GAB1: variants seen among roughly 807,000 people sequenced by gnomAD.
GAB1 encodes GRB2-associated-binding protein 1.
Under a neutral mutation model 66.5 loss-of-function variants are expected in GAB1, and 19 were observed. The ratio of observed to expected loss-of-function variants is 0.29; its 90% confidence interval spans 0.20 to 0.42. The LOEUF is 0.42. Ranked by LOEUF, GAB1 falls within the 10% of genes least tolerant of loss-of-function variation. The pLI is 1.00. For synonymous variants in GAB1, 294 were observed against 301.4 expected, an observed-to-expected ratio of 0.98 and a Z score of 0.25; for missense variants, 732 against 858.5, an observed-to-expected ratio of 0.85 and a Z score of 1.84.
chr4:143,461,500 G>C (rs1735491252), intron 8 of GAB1, among the ~76,000 whole-genome samples: 1 of 152,164 alleles, frequency 6.6e-6, no homozygotes, highest in Non-Finnish European at 1.5e-5. Flanking sequence ...GGAGGAAAGA[G>C]AGAAAAAGAA....
Position 143,345,333 on chromosome 4 carries a change from G to GTAGT in GAB1, c.72+8075_72+8078dup, listed in dbSNP as rs553403108. Among the ~76,000 whole-genome samples the GTAGT allele has an allele frequency of 9.2e-5, 14 of 152,118 alleles. No individual in the cohort carries two copies. In the South Asian group the frequency reaches 2.7e-3, roughly 29 times the overall value. ...TACTTTGAATTCATACTTGGCCTAG[G>GTAGT]TAGTTCTCTTAAGTTATGTGTTCAA... On this transcript the variant is annotated intron_variant, in intron 1 of 9. Transcript: ENST00000262994.
intron 1 of GAB1, among the ~76,000 whole-genome samples, chr4:143,379,433 C>G (rs1241814794): frequency 6.6e-6 from 1 of 152,126 alleles, no homozygotes; most frequent in Non-Finnish European, 1.5e-5. Flanking sequence ...TTGCGATGCT[C>G]TGTTCTCCAG....
chr4:143,383,122 C>T (rs950617688), intron 1 of GAB1, among the ~76,000 whole-genome samples: 2 of 152,158 alleles, frequency 1.3e-5, no homozygotes, highest in Non-Finnish European at 2.9e-5. Context: ...TACACACACA[C>T]TCCTCTCCAT....
At chr4:143,425,193 AT>A in intron 2 of GAB1, 1 of 852,186 alleles carries the variant, frequency 1.2e-6, no homozygotes, top group Non-Finnish European at 2.0e-6. Context: ...CATCTACATT[AT>A]AAATCTGAAG....
chr4:143,338,550 G>A (rs745413161), intron 1 of GAB1, among the ~76,000 whole-genome samples: 6 of 152,136 alleles, frequency 3.9e-5, no homozygotes, highest in African/African-American at 9.7e-5. Context: ...TGAAAGACTC[G>A]ATGCCACAAA....
intron 1 of GAB1, among the ~76,000 whole-genome samples, chr4:143,343,695 A>G (rs973939311): frequency 3.3e-5 from 5 of 152,188 alleles, no homozygotes; most frequent in Admixed American, 3.3e-4. Flanking sequence ...GGGGTACGAG[A>G]TGCCAGGGAA....
intron 8 of GAB1, among the ~76,000 whole-genome samples, chr4:143,465,065 G>C (rs1193056770): frequency 6.6e-6 from 1 of 152,170 alleles, no homozygotes; most frequent in Non-Finnish European, 1.5e-5. Context: ...TCCCTAATGA[G>C]AAATACACAG....
At chr4:143,345,269 G>A (rs926403153) in intron 1 of GAB1, among the ~76,000 whole-genome samples, 1 of 152,084 alleles carries the variant, frequency 6.6e-6, no homozygotes, top group African/African-American at 2.4e-5. Context: ...AATTTACCAA[G>A]TGCTTTTCTG....
chr4:143,340,822 C>T (rs1435013979), intron 1 of GAB1, among the ~76,000 whole-genome samples: 2 of 152,160 alleles, frequency 1.3e-5, no homozygotes, highest in African/African-American at 4.8e-5. Flanking sequence ...TTAGTTTTAG[C>T]TTTAAAGCCA....
chr4:143,464,765 G>T (rs1735691922), intron 8 of GAB1, among the ~76,000 whole-genome samples: 1 of 152,118 alleles, frequency 6.6e-6, no homozygotes, highest in Non-Finnish European at 1.5e-5. Context: ...TTTGCAAAAA[G>T]GTTCCATACC....
intron 1 of GAB1, among the ~76,000 whole-genome samples, chr4:143,388,148 A>G (rs1007008920): frequency 6.6e-6 from 1 of 152,078 alleles, no homozygotes; most frequent in African/African-American, 2.4e-5. Context: ...TAATTATACC[A>G]AGTACTATAT....
intron 1 of GAB1, among the ~76,000 whole-genome samples, chr4:143,364,826 TAGAAG>T (rs1011154623): frequency 5.4e-5 from 8 of 148,590 alleles, no homozygotes; most frequent in Non-Finnish European, 1.0e-4. Context: ...TGAAAAGGAG[TAGAAG>T]CAGGGGAGAC....
chr4:143,432,031 G>A (rs1286428818), intron 2 of GAB1, among the ~76,000 whole-genome samples: 1 of 152,204 alleles, frequency 6.6e-6, no homozygotes, highest in East Asian at 1.9e-4. Context: ...GTTAACTGCT[G>A]ACAGCGTGGA....
chr4:143,444,230 C>T (rs1362440145), intron 6 of GAB1, among the ~76,000 whole-genome samples: 2 of 152,078 alleles, frequency 1.3e-5, no homozygotes, highest in African/African-American at 2.4e-5. Context: ...ATCTAAGGCC[C>T]CCATCTCTGT....
At chr4:143,344,831 G>A (rs1728938434) in intron 1 of GAB1, among the ~76,000 whole-genome samples, 2 of 152,212 alleles carry the variant, frequency 1.3e-5, no homozygotes. Context: ...TAGGAGCGAA[G>A]TTCTCCCTAG....
intron 3 of GAB1, among the ~76,000 whole-genome samples, chr4:143,435,763 T>C (rs1733911015): frequency 6.6e-6 from 1 of 152,198 alleles, no homozygotes. Context: ...CATGCAAGCA[T>C]TAAATATTTA....
In GAB1 at chr4:143,395,879, G is replaced by C. The variant is rs1731425544; in HGVS notation, c.73-19598G>C. 1.1e-5 allele frequency: 5 copies of C among 454,886 alleles called. No individual in the cohort carries two copies. In the Admixed American group the frequency reaches 1.2e-4, roughly 11 times the overall value. 28.2% of individuals were successfully genotyped at this position (454,886 alleles called of 1,614,324 possible). A position where few individuals can be genotyped will look rare whatever the true frequency, so the allele number is the denominator to read the frequency against. Reference sequence around the variant, plus strand: ...GAAGAAGGCACAGCTTGTCGAGATTGATGGACCGCCCCCCGCCCCCGGGAG... The same window carrying C: ...GAAGAAGGCACAGCTTGTCGAGATTCATGGACCGCCCCCCGCCCCCGGGAG... On this transcript the variant is annotated intron_variant, in intron 1 of 9. Coordinates refer to ENST00000262994, the MANE Select transcript of GAB1 (RefSeq NM_002039.4).
intron 1 of GAB1, among the ~76,000 whole-genome samples, chr4:143,408,021 C>T (rs1481877813): frequency 1.3e-5 from 2 of 151,842 alleles, no homozygotes; most frequent in Admixed American, 6.6e-5. Context: ...AAATTTATTC[C>T]TCTATTTTAA....
chr4:143,449,784 A>G (rs1007120509), intron 6 of GAB1, among the ~76,000 whole-genome samples: 5 of 151,510 alleles, frequency 3.3e-5, no homozygotes, highest in African/African-American at 1.2e-4. Flanking sequence ...CATTTAGTCC[A>G]TTTACATTTA....
Sources: gnomAD v4.1 joint callset for allele counts (sites outside exome capture counted in the v4.1 genomes callset) on GRCh38, gnomAD v4.1.1 for gene constraint, MANE v1.5 for transcripts, NCBI Gene and HGNC (gene_info 2026-07-23, HGNC 2026-07-21) for gene names.